The following USP7 variants were observed in gnomAD, a reference collection of about 807,000 sequenced individuals.
The protein encoded by USP7 is ubiquitin C-terminal hydrolase 7.
A neutral mutation model predicts 162.9 loss-of-function variants in USP7; 9 were observed. The ratio of observed to expected loss-of-function variants is 0.06; its 90% CI spans 0.03 to 0.10. USP7 has a LOEUF of 0.10. Among genes scored for constraint, USP7 ranks in the 10% least tolerant of loss-of-function variants. The pLI, the probability that USP7 is intolerant of heterozygous loss-of-function variation, is 1.00. For synonymous variants in USP7, 562 were observed against 475.9 expected (o/e 1.18, Z -2.35); for missense variants, 715 against 1,373.7 (o/e 0.52, Z 7.58).
At chr16:8,918,508 AG>A (rs1246012368) in intron 6 of USP7, among the ~76,000 whole-genome samples, 6 of 152,192 alleles carry the variant, frequency 3.9e-5, no homozygotes, top group African/African-American at 1.2e-4. Context: ...CACAATTTTA[AG>A]TCTGCAAAAT....
rs142869172 is a variant in USP7, at chr16:8,900,559, T to C, written c.2280A>G (p.Leu760=). 2.0e-5 allele frequency: 32 copies of C among 1,611,378 alleles called. No homozygotes were observed. In the African/African-American group the frequency reaches 4.1e-4, roughly 21 times the overall value. The change falls in exon 21 of 31, where the codon CTA becomes CTG. Residue 760 remains leucine (L), a synonymous_variant. Coordinates refer to ENST00000344836, the MANE Select transcript of USP7 (RefSeq NM_003470.3). ...DVSLDKALDE[L]MDGDIIVFQK... ...GAAATACTATGATGTCACCATCCAT[T>C]AGTTCATCAAGGGCTTTATCAAGAG... is the stretch of plus-strand genomic sequence containing the variant.
chr16:8,957,884 G>A (rs775053055), intron 1 of USP7, among the ~76,000 whole-genome samples: 3 of 151,976 alleles, frequency 2.0e-5, no homozygotes, highest in Admixed American at 1.3e-4. Flanking sequence ...TCTGGAAAAC[G>A]GGCTTTTACT....
rs1897630246 is a variant in USP7 at position 8,920,563 on chromosome 16, TACATCCCA to T, written c.523-124_523-117del. On this transcript the variant is annotated intron_variant, in intron 4 of 30. Transcript: ENST00000344836. ...GAGATGAAAATACTTTTTTTTTAAA[TACATCCCA>T]ACTTTTTTGCTAATTTTAGACTGTT... The T allele has an allele frequency of 2.1e-4, 176 of 838,966 alleles. 3 individuals carry two copies. The South Asian group carries it at 3.4e-3, about 16-fold the overall frequency. The allele number at this position is 838,966 out of a possible 1,614,324, so 52.0% of individuals were successfully genotyped here. A position where few individuals can be genotyped will look rare whatever the true frequency, so the allele number is the denominator to read the frequency against.
rs536731101 is a variant in USP7, at chr16:8,928,984, T to C, written c.184+1309A>G. ...CTCCCACAACCAAGAATTATCCAAG[T>C]TGCCATGAGAAGCTAAGAAGCTCCG... On this transcript the variant is annotated intron_variant, in intron 2 of 30. Coordinates refer to ENST00000344836, the MANE Select transcript of USP7 (RefSeq NM_003470.3). 2.7e-5 allele frequency among the ~76,000 whole-genome samples: 4 copies of C among 150,112 alleles called. No homozygotes were observed. The South Asian group carries it at 8.5e-4, about 32-fold the overall frequency.
In USP7 at chr16:8,919,024, C is replaced by T. The variant is rs375455699; in HGVS notation, c.720+7G>A. 19 of 1,612,680 alleles carry T rather than the reference C, an allele frequency of 1.2e-5. No homozygotes were observed. Among genetic ancestry groups the T allele is most frequent in the Non-Finnish European group, 1.6e-5 (19 of 1,179,688 alleles). On this transcript the variant is annotated splice_region_variant and intron_variant, in intron 6 of 30. Transcript: ENST00000344836. The stretch of plus-strand genomic sequence containing the variant: ...AAGGCTGCAGGAGAGGAACACTATC[C>T]ATTTACCTTTCGTAGCTGATTCGTG...
chr16:8,928,877 G>A (rs1381725536), intron 2 of USP7, among the ~76,000 whole-genome samples: 1 of 152,070 alleles, frequency 6.6e-6, no homozygotes, highest in East Asian at 1.9e-4. Flanking sequence ...CTCCCCAGGA[G>A]ACACCTGGCA....
chr16:8,905,833 G>A lies in USP7; in HGVS notation c.1429-502C>T, dbSNP rs1567213724. On this transcript the variant is annotated intron_variant, in intron 13 of 30. Transcript: ENST00000344836. ...TCCTAACAGTTATCTTCCCATCTGCGTTGTGGATGCAGCCACATTAAACAG... is the reference window on the plus strand; with the variant it reads ...TCCTAACAGTTATCTTCCCATCTGCATTGTGGATGCAGCCACATTAAACAG... Among the ~76,000 whole-genome samples the A allele has an allele frequency of 7.2e-5, 11 of 152,304 alleles. No individual in the cohort carries two copies. In the South Asian group the frequency reaches 2.3e-3, roughly 32 times the overall value.
intron 18 of USP7, 70 bp from the exon 19 acceptor site, chr16:8,901,304 A>C (rs1435446800): frequency 5.6e-5 from 59 of 1,048,638 alleles, no homozygotes; most frequent in African/African-American, 7.0e-5. Context: ...ACAAAAAAAC[A>C]AACAAACAAA....
intron 2 of USP7, 45 bp from the exon 3 acceptor site, chr16:8,923,458 C>A: frequency 6.3e-7 from 1 of 1,591,378 alleles, no homozygotes; most frequent in Non-Finnish European, 8.6e-7. Flanking sequence ...GTGCATTGAC[C>A]AAAAGCACTA....
chr16:8,915,609 A>C, intron 8 of USP7, 84 bp from the exon 9 acceptor site: 1 of 1,214,592 alleles, frequency 8.2e-7, no homozygotes, highest in Non-Finnish European at 1.2e-6. Flanking sequence ...TAGAAATATC[A>C]ATGTTCAAAG....
At chr16:8,925,177 T>C (rs980765953) in intron 2 of USP7, among the ~76,000 whole-genome samples, 2 of 152,152 alleles carry the variant, frequency 1.3e-5, no homozygotes, top group African/African-American at 4.8e-5. Flanking sequence ...CCGAGGCTGT[T>C]TTACAAAGTG....
At chr16:8,901,782 G>A (rs2061778743) in intron 18 of USP7, among the ~76,000 whole-genome samples, 1 of 152,188 alleles carries the variant, frequency 6.6e-6, no homozygotes, top group Non-Finnish European at 1.5e-5. Context: ...GTCCCTGACA[G>A]ACAACGTTTG....
rs146728439 is a variant in USP7 at position 8,901,044 on chromosome 16, T to C, written c.2154A>G (p.Pro718=). The C allele has an allele frequency of 6.2e-7, 1 of 1,614,014 alleles. No homozygotes were observed. Among genetic ancestry groups the C allele is most frequent in the Non-Finnish European group, 8.5e-7 (1 of 1,180,014 alleles). The change falls in exon 20 of 31, where the codon CCA becomes CCG. Residue 718 remains proline (P), a synonymous_variant. Coordinates refer to ENST00000344836, the MANE Select transcript of USP7 (RefSeq NM_003470.3). The part of the protein sequence containing the change: ...PISCKIRDLL[P]VMCDRAGFIQ... ...TAAATCCTGCTCTGTCACACATAACTGGGAGCAAGTCACCTAGGAGAAAGA... is the reference window on the plus strand; with the variant it reads ...TAAATCCTGCTCTGTCACACATAACCGGGAGCAAGTCACCTAGGAGAAAGA...
chr16:8,900,414 A>AAAAAAC (rs1018063126), intron 21 of USP7, 116 bp downstream of exon 21: 4 of 716,034 alleles, frequency 5.6e-6, no homozygotes, highest in Admixed American at 3.5e-5. Context: ...GTTACATTAA[A>AAAAAAC]AAAAACAAAA....
At chr16:8,905,449 T>C (rs765439237) in intron 13 of USP7, 118 bp from the exon 14 acceptor site, 9 of 1,273,010 alleles carry the variant, frequency 7.1e-6, no homozygotes, top group Non-Finnish European at 1.0e-5. Flanking sequence ...GTTGAAAAAA[T>C]ATCCATGTGT....
chr16:8,937,610 C>G (rs928886034), intron 1 of USP7, among the ~76,000 whole-genome samples: 11 of 151,926 alleles, frequency 7.2e-5, no homozygotes, highest in African/African-American at 1.9e-4. Context: ...TGAGGTGGGA[C>G]GTAAAGGCTG....
At chr16:8,961,469 GCAA>G (rs890934939) in intron 1 of USP7, among the ~76,000 whole-genome samples, 43 of 118,024 alleles carry the variant, frequency 3.6e-4, no homozygotes, top group African/African-American at 1.2e-3. Context: ...TCCAGCCTGG[GCAA>G]CAAGAGCAAA....
At chr16:8,911,997 A>G (rs904052211) in intron 10 of USP7, among the ~76,000 whole-genome samples, 2 of 152,226 alleles carry the variant, frequency 1.3e-5, no homozygotes, top group Middle Eastern at 3.2e-3. Flanking sequence ...TCCCTCAAGT[A>G]AAACCTGTTC....
chr16:8,961,280 G>T (rs1032326809), intron 1 of USP7, among the ~76,000 whole-genome samples: 7 of 152,038 alleles, frequency 4.6e-5, no homozygotes, highest in African/African-American at 1.4e-4. Context: ...ATCACCTGAG[G>T]TCGGGAGTTC....
Sources: allele counts gnomAD v4.1 joint callset (sites outside exome capture counted in the v4.1 genomes callset), GRCh38; gene constraint gnomAD v4.1.1; transcripts MANE v1.5; gene names NCBI Gene and HGNC (gene_info 2026-07-23, HGNC 2026-07-21).